SRPX: variants seen among roughly 807,000 people sequenced by gnomAD.
SRPX encodes sushi repeat containing protein X-linked.
A neutral mutation model predicts 38.1 loss-of-function variants in SRPX; 24 were observed. The ratio of observed to expected loss-of-function variants is 0.63; its 90% CI spans 0.46 to 0.89. The LOEUF (loss-of-function observed/expected upper bound fraction) is 0.89, where lower values mean the gene tolerates loss of function less well. Among genes scored for constraint, SRPX ranks in the 40% least tolerant of loss-of-function variants. The probability of loss-of-function intolerance (pLI) is 0.00; values close to 1 mark genes in which losing one functional copy is unlikely to be tolerated. For missense variants in SRPX, 416 were observed against 377.8 expected (o/e 1.10, Z -0.84); for synonymous variants, 184 against 153.8 (o/e 1.20, Z -1.45).
At chrX:38,213,980 A>G (rs1939383045) in intron 1 of SRPX, among the ~76,000 whole-genome samples, 1 of 111,945 alleles carries the variant, frequency 8.9e-6, no homozygotes, top group Admixed American at 9.4e-5. Flanking sequence ...AGCACTGAAG[A>G]TTACATTTCA....
chrX:38,191,461 A>G (rs1938902925), intron 1 of SRPX, among the ~76,000 whole-genome samples: 1 of 111,686 alleles, frequency 9.0e-6, no homozygotes, highest in South Asian at 3.7e-4. Flanking sequence ...AGAATAGGGG[A>G]AAATAGCAGA....
intron 1 of SRPX, among the ~76,000 whole-genome samples, chrX:38,178,946 CTT>C (rs58878251): frequency 3.2e-3 from 261 of 81,002 alleles, no homozygotes; most frequent in Middle Eastern, 7.4e-3. Context: ...AGTAAAATTT[CTT>C]TTTTTTTTTT....
chrX:38,162,294 G>C (rs781538024), intron 5 of SRPX, among the ~76,000 whole-genome samples: 8 of 111,843 alleles, frequency 7.2e-5, no homozygotes, highest in Admixed American at 2.8e-4. Context: ...GCAGTAGCTT[G>C]GATAGGAAAT....
chrX:38,160,932 C>T lies in SRPX; in HGVS notation c.775+1G>A. On this transcript the variant is annotated splice_donor_variant, in intron 6 of 9. Coordinates refer to ENST00000378533, the MANE Select transcript of SRPX (RefSeq NM_006307.5). LOFTEE classifies it high-confidence loss of function. ...ACAAAACCAATAAGCAGTACTCTTA[C>T]CTCTTACTTTAACTCGAAATTTGCA... 1 of 1,209,406 alleles carries T rather than the reference C, an allele frequency of 8.3e-7. No individual in the cohort carries two copies. The highest frequency in any genetic ancestry group is 1.1e-6 in the Non-Finnish European group (1 of 894,276).
rs769216754 is a variant in SRPX at position 38,149,891 on chromosome X, C to T, written c.1215G>A (p.Leu405=). The stretch of plus-strand genomic sequence containing the variant: ...AGGAGTAGAGTGGGATTCGCAGCAA[C>T]AGCCTGTGGCAGACAAAGAAAAGAG... ...MPPALALQLR[L]LLRIPLYSFS... The change falls in exon 10 of 10, where the codon CTG becomes CTA. Residue 405 remains leucine (L), a synonymous_variant. Transcript: ENST00000378533. 5.8e-6 allele frequency: 7 copies of T among 1,197,311 alleles called. No homozygotes were observed. The highest frequency in any genetic ancestry group is 3.4e-6 in the Non-Finnish European group (3 of 888,906).
Position 38,220,721 on chromosome X carries a change from G to T in SRPX, c.72C>A (p.Arg24=), listed in dbSNP as rs748299041. The T allele has an allele frequency of 4.3e-6, 5 of 1,158,307 alleles. No individual in the cohort carries two copies. Among genetic ancestry groups the T allele is most frequent in the Middle Eastern group, 2.4e-4 (1 of 4,216 alleles). The change falls in exon 1 of 10, where the codon CGC becomes CGA. Residue 24 remains arginine, a synonymous_variant. Transcript: ENST00000378533. ...CTGGGAAGCTGCGGCTGGGCGGGAC[G>T]CGCAGCAGCAGCAGCAGCAGCAGAG... ...LPPLLLLLLL[R]VPPSRSFPGS...
intron 1 of SRPX, 136 bp downstream of exon 1, chrX:38,220,560 C>G (rs1355027862): frequency 6.0e-6 from 6 of 997,404 alleles, no homozygotes; most frequent in Non-Finnish European, 7.8e-6. Context: ...TCCCCACCCT[C>G]GGGCTGCGAA....
At chrX:38,170,733 A>C (rs1385575504) in intron 4 of SRPX, among the ~76,000 whole-genome samples, 1 of 111,840 alleles carries the variant, frequency 8.9e-6, no homozygotes, top group Non-Finnish European at 1.9e-5. Context: ...AACAATCAGC[A>C]TTTTCTTTCC....
At chrX:38,186,317 A>G (rs1443623262) in intron 1 of SRPX, among the ~76,000 whole-genome samples, 1 of 111,123 alleles carries the variant, frequency 9.0e-6, no homozygotes. Context: ...CACACACATA[A>G]CACCCACAAG....
rs138301847 is a variant in SRPX at position 38,149,845 on chromosome X, T to C, written c.1261A>G (p.Lys421Glu). ...LYSFSMVLVD[K>E]HGMDKERYVS... ...TAGCGCTCTTTGTCCATGCCATGCT[T>C]ATCCACTAGCACCATACTGAAGGAG... Residue 421 changes from lysine to glutamate, a missense_variant, in exon 10 of 10, where the codon AAG (lysine) becomes GAG (glutamate). By Grantham distance (56) the Lys-to-Glu change is moderately conservative. Transcript: ENST00000378533. 4 of 1,209,324 alleles carry C rather than the reference T, an allele frequency of 3.3e-6. No individual in the cohort carries two copies. In the African/African-American group the frequency reaches 7.0e-5, roughly 21 times the overall value.
chrX:38,220,796 G>A lies in SRPX; in HGVS notation c.-4C>T, dbSNP rs1875758877. The A allele has an allele frequency of 2.7e-6, 3 of 1,095,280 alleles. No homozygotes were observed. The highest frequency in any genetic ancestry group is 1.9e-5 in the African/African-American group (1 of 51,875). The allele number at this position is 1,095,280 out of a possible 1,213,427, so 90.3% of individuals were successfully genotyped here. ...GCCGATGTGCGGGGCTCCCCATGGCGAGCGGGCGCTTAGCTCGCCTCGGCA... is the reference window on the plus strand; with the variant it reads ...GCCGATGTGCGGGGCTCCCCATGGCAAGCGGGCGCTTAGCTCGCCTCGGCA... On this transcript the variant is annotated 5_prime_UTR_variant, in exon 1 of 10. Coordinates refer to ENST00000378533, the MANE Select transcript of SRPX (RefSeq NM_006307.5).
At chrX:38,180,788 A>G (rs1035368597) in intron 1 of SRPX, among the ~76,000 whole-genome samples, 1 of 112,524 alleles carries the variant, frequency 8.9e-6, no homozygotes, top group African/African-American at 3.2e-5. Flanking sequence ...TCCATTCATA[A>G]CATAATAATG....
intron 8 of SRPX, among the ~76,000 whole-genome samples, chrX:38,154,949 C>T (rs949447471): frequency 9.1e-6 from 1 of 110,425 alleles, no homozygotes; most frequent in African/African-American, 3.3e-5. Flanking sequence ...TTTCCAGAGT[C>T]CACTTCTCTG....
rs1349083869 is a variant in SRPX at position 38,164,864 on chromosome X, A to G, written c.558T>C (p.Ser186=). The G allele has an allele frequency of 1.7e-5, 20 of 1,208,270 alleles. No homozygotes were observed. Among genetic ancestry groups the G allele is most frequent in the Admixed American group, 6.6e-5 (3 of 45,620 alleles). Residue 186 remains serine, a synonymous_variant, in exon 5 of 10, where the codon AGT becomes AGC. Coordinates refer to ENST00000378533, the MANE Select transcript of SRPX (RefSeq NM_006307.5). ...DMEPPRIKCP[S]VKERIAEPNK... ...TGGGTTCTGCAATGCGTTCCTTCAC[A>G]CTTGGGCACTTGATTCTAGGAGGTT...
chrX:38,180,937 T>C (rs1938658656), intron 1 of SRPX, among the ~76,000 whole-genome samples: 1 of 112,263 alleles, frequency 8.9e-6, no homozygotes, highest in African/African-American at 3.2e-5. Flanking sequence ...AACAACAATA[T>C]GGATGAATAA....
chrX:38,187,380 T>C (rs1173553390), intron 1 of SRPX, among the ~76,000 whole-genome samples: 1 of 112,088 alleles, frequency 8.9e-6, no homozygotes, highest in Non-Finnish European at 1.9e-5. Flanking sequence ...AACATATGTA[T>C]ATGTATTCAT....
chrX:38,152,716 TAA>T (rs1938039906), intron 9 of SRPX, among the ~76,000 whole-genome samples: 1 of 112,333 alleles, frequency 8.9e-6, no homozygotes, highest in Non-Finnish European at 1.9e-5. Flanking sequence ...TCAAGTAGAT[TAA>T]ACAGTTTAAA....
intron 1 of SRPX, among the ~76,000 whole-genome samples, chrX:38,185,402 T>A (rs1938755965): frequency 8.9e-6 from 1 of 112,277 alleles, no homozygotes. Flanking sequence ...TAACAAATGA[T>A]CTGCCAATGG....
intron 4 of SRPX, among the ~76,000 whole-genome samples, chrX:38,165,558 ACT>A (rs1938350572): frequency 1.8e-5 from 2 of 111,499 alleles, no homozygotes; most frequent in Admixed American, 9.5e-5. Flanking sequence ...GAGCCGCCCA[ACT>A]CTCTCATTTT....
Sources: allele counts gnomAD v4.1 joint callset (sites outside exome capture counted in the v4.1 genomes callset), GRCh38; gene constraint gnomAD v4.1.1; transcripts MANE v1.5; gene names NCBI Gene and HGNC (gene_info 2026-07-23, HGNC 2026-07-21).